Variants in LAMA2 observed in about 807,000 individuals in gnomAD.
LAMA2 encodes the protein laminin subunit alpha-2.
A neutral mutation model predicts 364.8 loss-of-function variants in LAMA2; 269 were observed. That is an observed-to-expected ratio of 0.74 (90% CI 0.67 to 0.82). The LOEUF is 0.82. LAMA2 is among the 40% of genes least tolerant of loss of function. The pLI is 0.00. For synonymous variants in LAMA2, 1,379 were observed against 1,370.6 expected (o/e 1.01, Z -0.14); for missense variants, 3,807 against 3,873.2 (o/e 0.98, Z 0.45).
chr6:128,940,965 T>A (rs1780116167), intron 1 of LAMA2, among the ~76,000 whole-genome samples: 1 of 152,110 alleles, frequency 6.6e-6, no homozygotes, highest in Non-Finnish European at 1.5e-5. Context: ...AAAATTTTTT[T>A]AAATAAGAAA....
intron 3 of LAMA2, among the ~76,000 whole-genome samples, chr6:129,088,206 T>A (rs1774517376): frequency 6.7e-6 from 1 of 150,172 alleles, no homozygotes; most frequent in South Asian, 2.1e-4. Context: ...GAGCACGGGG[T>A]TGGGAGTAAG....
intron 40 of LAMA2, among the ~76,000 whole-genome samples, chr6:129,412,629 G>T (rs1157489686): frequency 6.6e-6 from 1 of 152,000 alleles, no homozygotes; most frequent in African/African-American, 2.4e-5. Context: ...CAACAATCAG[G>T]GTAATTATCA....
chr6:129,501,687 C>A (rs1465986019), intron 58 of LAMA2, among the ~76,000 whole-genome samples: 1 of 152,196 alleles, frequency 6.6e-6, no homozygotes, highest in Non-Finnish European at 1.5e-5. Context: ...ATCTTAAAAA[C>A]AGATGTGTTG....
chr6:129,399,707 C>T (rs1355336486), intron 37 of LAMA2, among the ~76,000 whole-genome samples: 5 of 151,972 alleles, frequency 3.3e-5, no homozygotes, highest in African/African-American at 1.2e-4. Context: ...AGGAAGAGCA[C>T]ATAGTGGGAA....
intron 12 of LAMA2, among the ~76,000 whole-genome samples, chr6:129,207,788 G>GA (rs571314447): frequency 0.1 from 12,929 of 126,812 alleles, 1,114 homozygotes; most frequent in African/African-American, 0.29. Flanking sequence ...ATACCCCTGA[G>GA]AAAAAAAAAA....
At chr6:129,089,675 G>C (rs1774687649) in intron 3 of LAMA2, among the ~76,000 whole-genome samples, 1 of 152,200 alleles carries the variant, frequency 6.6e-6, no homozygotes, top group African/African-American at 2.4e-5. Context: ...TATGTGAGAA[G>C]AGAATAGATG....
At chr6:128,906,949 T>C (rs1319149183) in intron 1 of LAMA2, among the ~76,000 whole-genome samples, 2 of 151,634 alleles carry the variant, frequency 1.3e-5, no homozygotes, top group African/African-American at 4.8e-5. Context: ...TAGTTGTAGA[T>C]ATGCAGTGTT....
chr6:129,414,574 A>G (rs533683107), intron 40 of LAMA2, among the ~76,000 whole-genome samples: 1 of 152,264 alleles, frequency 6.6e-6, no homozygotes, highest in South Asian at 2.1e-4. Context: ...GTTTAATTAA[A>G]ATGAACCTCA....
At chr6:128,893,986 A>C (rs889049165) in intron 1 of LAMA2, among the ~76,000 whole-genome samples, 1 of 152,130 alleles carries the variant, frequency 6.6e-6, no homozygotes, top group African/African-American at 2.4e-5. Context: ...ATTAAGAAAT[A>C]TATAACAACA....
chr6:129,057,936 G>C (rs1788602019), intron 2 of LAMA2, among the ~76,000 whole-genome samples: 1 of 152,140 alleles, frequency 6.6e-6, no homozygotes, highest in African/African-American at 2.4e-5. Flanking sequence ...CATCTTCCCA[G>C]ATACTTAGTT....
chr6:129,218,577 C>T (rs1231026672), intron 12 of LAMA2, among the ~76,000 whole-genome samples: 1 of 152,096 alleles, frequency 6.6e-6, no homozygotes, highest in Admixed American at 6.6e-5. Context: ...CAGTAACATT[C>T]ATTAAATGCC....
intron 1 of LAMA2, among the ~76,000 whole-genome samples, chr6:129,015,927 C>T (rs1785043421): frequency 1.3e-5 from 2 of 151,938 alleles, no homozygotes; most frequent in South Asian, 4.2e-4. Flanking sequence ...AAAACCACTA[C>T]TCTTATCTGC....
chr6:129,340,851 A>AAG (rs1562476155), intron 29 of LAMA2, among the ~76,000 whole-genome samples: 3 of 150,260 alleles, frequency 2.0e-5, no homozygotes, highest in African/African-American at 7.4e-5. Context: ...AAAAAAAAAA[A>AAG]AGAGAAAAAG....
rs575072785 is a variant in LAMA2 at position 129,228,035 on chromosome 6, G to GC, written c.1783-22073dup. ...TACTCAAGCCTCGGCAATGGCGGGC[G>GC]CCCCTCTCCCAACCTTGCTGCCACC... On this transcript the variant is annotated intron_variant, in intron 12 of 64. Transcript: ENST00000421865. Among the ~76,000 whole-genome samples the GC allele has an allele frequency of 5.2e-3, 789 of 152,238 alleles. 6 individuals carry two copies. The highest frequency in any genetic ancestry group is 8.9e-3 in the Non-Finnish European group (607 of 68,022).
chr6:129,204,599 A>G (rs1782502799), intron 12 of LAMA2, among the ~76,000 whole-genome samples: 1 of 152,212 alleles, frequency 6.6e-6, no homozygotes, highest in Admixed American at 6.5e-5. Context: ...CTTAGCCCTC[A>G]AAGGGAACTA....
At chr6:129,497,039 CTAGT>C (rs1785244462) in intron 58 of LAMA2, among the ~76,000 whole-genome samples, 1 of 151,968 alleles carries the variant, frequency 6.6e-6, no homozygotes, top group Non-Finnish European at 1.5e-5. Context: ...CTTAATTATT[CTAGT>C]TAGTTTAACT....
intron 22 of LAMA2, among the ~76,000 whole-genome samples, chr6:129,307,628 A>G (rs1425248842): frequency 6.6e-6 from 1 of 152,094 alleles, no homozygotes; most frequent in East Asian, 1.9e-4. Context: ...CCTATAATTC[A>G]ATATCTAAAA....
At chr6:129,367,723 T>C (rs1777854520) in intron 33 of LAMA2, among the ~76,000 whole-genome samples, 1 of 152,204 alleles carries the variant, frequency 6.6e-6, no homozygotes. Flanking sequence ...ATAATGATGA[T>C]AACAAGAATA....
intron 45 of LAMA2, among the ~76,000 whole-genome samples, chr6:129,450,100 G>A (rs538754994): frequency 1.1e-4 from 16 of 150,994 alleles, no homozygotes; most frequent in African/African-American, 3.6e-4. Flanking sequence ...CACTGCACCC[G>A]GCTCTGTCTG....
Sources: allele counts gnomAD v4.1 joint callset (sites outside exome capture counted in the v4.1 genomes callset), GRCh38; gene constraint gnomAD v4.1.1; transcripts MANE v1.5; gene names NCBI Gene and HGNC (gene_info 2026-07-23, HGNC 2026-07-21).